The following GABRG3 variants were observed in gnomAD, a reference collection of about 807,000 sequenced individuals.
The protein encoded by GABRG3 is gamma-aminobutyric acid type A receptor subunit gamma3.
Under a neutral mutation model 48.8 loss-of-function variants are expected in GABRG3, and 25 were observed. The observed-to-expected ratio is 0.51, with a 90% CI of 0.37 to 0.72. GABRG3 has a LOEUF of 0.72. Among genes scored for constraint, GABRG3 ranks in the 30% least tolerant of loss-of-function variants. The pLI is 0.00. For synonymous variants in GABRG3, 227 were observed against 217.6 expected, an observed-to-expected ratio of 1.04 and a Z score of -0.38; for missense variants, 394 against 577.9, an observed-to-expected ratio of 0.68 and a Z score of 3.26.
At chr15:27,248,797 CA>C (rs1178381843) in intron 3 of GABRG3, among the ~76,000 whole-genome samples, 16 of 112,200 alleles carry the variant, frequency 1.4e-4, no homozygotes, top group African/African-American at 6.3e-4. Context: ...CACACACACA[CA>C]CACACAGAGA....
chr15:27,034,148 A>G (rs1896135664), intron 3 of GABRG3, among the ~76,000 whole-genome samples: 1 of 152,246 alleles, frequency 6.6e-6, no homozygotes, highest in Admixed American at 6.5e-5. Context: ...ATGAAAACGT[A>G]TATGCCTGTA....
intron 5 of GABRG3, among the ~76,000 whole-genome samples, chr15:27,466,009 G>A (rs1403800506): frequency 6.6e-6 from 1 of 152,210 alleles, no homozygotes; most frequent in Non-Finnish European, 1.5e-5. Flanking sequence ...AAGAGATTGA[G>A]TGGGTTGGTT....
intron 5 of GABRG3, among the ~76,000 whole-genome samples, chr15:27,360,822 G>T (rs1894997680): frequency 1.3e-5 from 2 of 152,230 alleles, no homozygotes; most frequent in East Asian, 1.9e-4. Context: ...CCCAGCCCAA[G>T]AACTTTTGGC....
intron 6 of GABRG3, among the ~76,000 whole-genome samples, chr15:27,496,595 C>T (rs995863037): frequency 1.4e-4 from 21 of 152,160 alleles, no homozygotes; most frequent in African/African-American, 4.1e-4. Context: ...CATTTCGAAG[C>T]GTTATGATTA....
At chr15:26,973,548 G>A (rs1894882967) in intron 1 of GABRG3, among the ~76,000 whole-genome samples, 1 of 152,188 alleles carries the variant, frequency 6.6e-6, no homozygotes, top group African/African-American at 2.4e-5. Flanking sequence ...TTTGCACTCT[G>A]AGTCCCTTCC....
chr15:27,325,739 A>G (rs748251610), intron 3 of GABRG3, among the ~76,000 whole-genome samples: 9 of 152,184 alleles, frequency 5.9e-5, no homozygotes, highest in Non-Finnish European at 1.2e-4. Flanking sequence ...AAGCAAAGAA[A>G]TGATGAATGA....
chr15:27,268,118 A>AT (rs1241188593), intron 3 of GABRG3, among the ~76,000 whole-genome samples: 5 of 152,006 alleles, frequency 3.3e-5, no homozygotes, highest in African/African-American at 9.7e-5. Context: ...AGTAGGTTTT[A>AT]TTTTTTACTG....
Position 27,029,768 on chromosome 15 carries a change from C to T in GABRG3, c.270+2947C>T, listed in dbSNP as rs78802371. ...AGGTAGGTTCCCTTCTAAGCAGCCC[C>T]GAGCTGGCAGGCTCTGGCTGGCCTG... On this transcript the variant is annotated intron_variant, in intron 3 of 9. Transcript: ENST00000615808. 1.6e-3 allele frequency among the ~76,000 whole-genome samples: 247 copies of T among 152,206 alleles called. 2 individuals are homozygous for T. The East Asian group carries it at 0.038, about 23-fold the overall frequency.
intron 5 of GABRG3, among the ~76,000 whole-genome samples, chr15:27,371,224 A>G (rs1400963331): frequency 1.3e-5 from 2 of 152,126 alleles, no homozygotes; most frequent in Non-Finnish European, 2.9e-5. Flanking sequence ...TAAATTAGCA[A>G]CCATCGATAG....
intron 3 of GABRG3, among the ~76,000 whole-genome samples, chr15:27,154,859 G>A (rs1037261640): frequency 2.0e-5 from 3 of 151,762 alleles, no homozygotes; most frequent in Non-Finnish European, 4.4e-5. Flanking sequence ...ATTAAATTTA[G>A]CAACGTTCCT....
chr15:27,143,472 C>T (rs2086392269), intron 3 of GABRG3, among the ~76,000 whole-genome samples: 1 of 152,306 alleles, frequency 6.6e-6, no homozygotes, highest in East Asian at 1.9e-4. Flanking sequence ...GTTATTCTCA[C>T]AGGTTGACAT....
At chr15:27,314,833 T>C (rs1438820673) in intron 3 of GABRG3, among the ~76,000 whole-genome samples, 4 of 152,234 alleles carry the variant, frequency 2.6e-5, no homozygotes, top group African/African-American at 7.2e-5. Context: ...ATTCCACTTA[T>C]ATGAGTTATT....
intron 3 of GABRG3, among the ~76,000 whole-genome samples, chr15:27,313,310 A>ACC (rs1445742099): frequency 8.8e-6 from 1 of 114,000 alleles, no homozygotes; most frequent in Non-Finnish European, 1.8e-5. Context: ...ATATATATAT[A>ACC]CCCAACATCA....
chr15:27,345,022 C>G (rs1358675165), intron 5 of GABRG3, among the ~76,000 whole-genome samples: 1 of 152,132 alleles, frequency 6.6e-6, no homozygotes, highest in African/African-American at 2.4e-5. Flanking sequence ...TTCTAACTTA[C>G]TTTTGATTAG....
At chr15:27,424,014 G>T (rs1054512498) in intron 5 of GABRG3, among the ~76,000 whole-genome samples, 1 of 152,092 alleles carries the variant, frequency 6.6e-6, no homozygotes, top group Non-Finnish European at 1.5e-5. Flanking sequence ...AACTTACTAT[G>T]CTAGTATATT....
At chr15:27,512,656 G>A (rs1413607606) in intron 6 of GABRG3, among the ~76,000 whole-genome samples, 2 of 152,208 alleles carry the variant, frequency 1.3e-5, no homozygotes, top group African/African-American at 4.8e-5. Context: ...ATAGAAGGGA[G>A]AAGGTCTCCA....
At chr15:27,070,698 A>G (rs75037421) in intron 3 of GABRG3, among the ~76,000 whole-genome samples, 2,606 of 152,340 alleles carry the variant, frequency 0.017, 77 homozygotes, top group African/African-American at 0.059. Context: ...CTGAGCAAGC[A>G]GTGACCCTAA....
At chr15:27,156,116 G>A (rs986760417) in intron 3 of GABRG3, among the ~76,000 whole-genome samples, 4 of 151,762 alleles carry the variant, frequency 2.6e-5, no homozygotes, top group African/African-American at 9.7e-5. Context: ...TGGCTAACAC[G>A]GTGAAACCCT....
At chr15:27,271,512 C>G (rs1394121014) in intron 3 of GABRG3, 1 of 455,156 alleles carries the variant, frequency 2.2e-6, no homozygotes, top group Admixed American at 2.4e-5. Flanking sequence ...CCCGGAGCCC[C>G]CAGGCCACGC....
Sources: allele counts gnomAD v4.1 joint callset (sites outside exome capture counted in the v4.1 genomes callset), GRCh38; gene constraint gnomAD v4.1.1; transcripts MANE v1.5; gene names NCBI Gene and HGNC (gene_info 2026-07-23, HGNC 2026-07-21).